The following EVC variants were observed in gnomAD, a reference collection of about 807,000 sequenced individuals.
EVC encodes the protein EvC ciliary complex subunit 1.
A neutral mutation model predicts 118.9 loss-of-function variants in EVC; 116 were observed. That is an observed-to-expected ratio of 0.98 (90% CI 0.84 to 1.14). EVC has a LOEUF of 1.14. Ranked by LOEUF, EVC falls within the 50% of genes most tolerant of loss-of-function variation. The pLI is 0.00. For missense variants in EVC, 1,401 were observed against 1,246.4 expected, an observed-to-expected ratio of 1.12 and a Z score of -1.87; for synonymous variants, 619 against 534.7, an observed-to-expected ratio of 1.16 and a Z score of -2.18.
intron 11 of EVC, among the ~76,000 whole-genome samples, chr4:5,779,109 A>G (rs978839532): frequency 1.3e-5 from 2 of 151,924 alleles, no homozygotes; most frequent in Non-Finnish European, 2.9e-5. Flanking sequence ...TCCTTTCCCC[A>G]TTGCTTGTTT....
the EVC span, among the ~76,000 whole-genome samples, chr4:5,822,673 G>A: frequency 1.3e-5 from 2 of 152,172 alleles, no homozygotes; most frequent in African/African-American, 4.8e-5. Flanking sequence ...GCTGAAAGGT[G>A]GGAAGGATAG....
chr4:5,727,621 G>A (rs1204874920), intron 2 of EVC, among the ~76,000 whole-genome samples: 1 of 151,430 alleles, frequency 6.6e-6, no homozygotes, highest in African/African-American at 2.4e-5. Flanking sequence ...CATTGCTTTT[G>A]GTGTTTTAGA....
chr4:5,828,026 A>G, the EVC span: 1 of 985,132 alleles, frequency 1.0e-6, no homozygotes, highest in Non-Finnish European at 1.2e-6. Flanking sequence ...GAAAGGGCGG[A>G]TCTGAAGGAA....
At chr4:5,757,065 G>A (rs894588728) in intron 11 of EVC, among the ~76,000 whole-genome samples, 7 of 152,200 alleles carry the variant, frequency 4.6e-5, no homozygotes, top group Middle Eastern at 3.2e-3. Context: ...GTGACCACAG[G>A]AGCATCACTT....
Position 5,805,891 on chromosome 4 carries a change from C to CTTTTTT in EVC, c.2561+1063_2561+1068dup, listed in dbSNP as rs4045512. On this transcript the variant is annotated intron_variant, in intron 17 of 20. Transcript: ENST00000264956. ...CTTGAATTCAGAGGCAGTTTCTTTT[C>CTTTTTT]TTTTTTTTTTTTTTTTTTGAAGGAG... 4.5e-4 allele frequency among the ~76,000 whole-genome samples: 56 copies of CTTTTTT among 123,938 alleles called. 1 individual carries two copies. The highest frequency in any genetic ancestry group is 7.1e-4 in the East Asian group (3 of 4,232). The allele number at this position is 123,938 out of a possible 152,430, so 81.3% of individuals were successfully genotyped here. A position where few individuals can be genotyped will look rare whatever the true frequency, so the allele number is the denominator to read the frequency against.
chr4:5,805,992 T>C (rs542318545), intron 17 of EVC, among the ~76,000 whole-genome samples: 1 of 146,526 alleles, frequency 6.8e-6, no homozygotes, highest in Non-Finnish European at 1.5e-5. Flanking sequence ...ATCACCCAAA[T>C]AGTGTACGTT....
At chr4:5,786,050 T>G (rs570212376) in intron 12 of EVC, among the ~76,000 whole-genome samples, 1 of 152,174 alleles carries the variant, frequency 6.6e-6, no homozygotes, top group Admixed American at 6.5e-5. Context: ...AAGATATGGG[T>G]TTGAGCCAGA....
intron 2 of EVC, among the ~76,000 whole-genome samples, chr4:5,725,836 T>G (rs567198315): frequency 2.0e-5 from 3 of 152,356 alleles, no homozygotes; most frequent in Non-Finnish European, 4.4e-5. Flanking sequence ...TCTAGGGTTT[T>G]TATAGTTTTG....
rs370495197 is a variant in EVC, at chr4:5,746,391, G to A, written c.939+1050G>A. Among the ~76,000 whole-genome samples the A allele has an allele frequency of 6.6e-6, 1 of 152,212 alleles. No individual in the cohort carries two copies. Among genetic ancestry groups the A allele is most frequent in the African/African-American group, 2.4e-5 (1 of 41,448 alleles). On this transcript the variant is annotated intron_variant, in intron 7 of 20. Transcript: ENST00000264956. This position sits in a 1 kb window ranked among gnomAD's most constrained non-coding sequence, Gnocchi z 5.8. ...GTGGTGGTCTACCATGGGGCGGCAGGTGGGGAGGAGGAGGGGGTCCAGGGT... is the reference window on the plus strand; with the variant it reads ...GTGGTGGTCTACCATGGGGCGGCAGATGGGGAGGAGGAGGGGGTCCAGGGT...
intron 2 of EVC, among the ~76,000 whole-genome samples, chr4:5,725,442 T>C (rs1218898150): frequency 6.6e-6 from 1 of 152,240 alleles, no homozygotes; most frequent in East Asian, 1.9e-4. Context: ...GGTATCTCAT[T>C]GTGGTTTTGA....
chr4:5,828,526 G>A, the EVC span: 2 of 1,614,188 alleles, frequency 1.2e-6, no homozygotes, highest in Non-Finnish European at 1.7e-6. Flanking sequence ...CAGGTGCTCC[G>A]GGAACGCCTT....
Position 5,765,971 on chromosome 4 carries a change from G to A in EVC, c.1563+9609G>A, listed in dbSNP as rs529931880. Among the ~76,000 whole-genome samples the A allele has an allele frequency of 3.2e-3, 414 of 130,608 alleles. 10 individuals carry two copies. The highest frequency in any genetic ancestry group is 5.4e-3 in the Non-Finnish European group (325 of 60,490). 85.7% of individuals were successfully genotyped at this position (130,608 alleles called of 152,430 possible). ...ATGATGTTAGCTGGTTATTTTGCTC[G>A]TTAGTTGATGCAGTTTATTCCTAGT... On this transcript the variant is annotated intron_variant, in intron 11 of 20. Coordinates refer to ENST00000264956, the MANE Select transcript of EVC (RefSeq NM_153717.3).
chr4:5,792,402 G>T (rs1263756050), intron 12 of EVC, among the ~76,000 whole-genome samples: 2 of 152,174 alleles, frequency 1.3e-5, no homozygotes, highest in African/African-American at 2.4e-5. Flanking sequence ...TTTTTTTAGG[G>T]ATAAAGAGAG....
At chr4:5,785,468 A>C (rs1736276164) in intron 12 of EVC, among the ~76,000 whole-genome samples, 2 of 152,228 alleles carry the variant, frequency 1.3e-5, no homozygotes, top group Admixed American at 1.3e-4. Flanking sequence ...CCTTGGGGCA[A>C]TAGAAAGTAC....
chr4:5,769,419 C>G (rs775586113), intron 11 of EVC, among the ~76,000 whole-genome samples: 1 of 152,170 alleles, frequency 6.6e-6, no homozygotes, highest in Non-Finnish European at 1.5e-5. Flanking sequence ...CACAGCTAAA[C>G]CATATCATAA....
Position 5,811,843 on chromosome 4 carries a change from C to T in EVC, c.*806C>T, listed in dbSNP as rs71599832. 6.6e-6 allele frequency: 1 copy of T among 152,072 alleles called. No homozygotes were observed. The allele number at this position is 152,072 out of a possible 1,614,324, so 9.4% of individuals were successfully genotyped here. A position where few individuals can be genotyped will look rare whatever the true frequency, so the allele number is the denominator to read the frequency against. ...GAGGCCTTTCCCACCGGTAGAGAAA[C>T]TTCCAGACCAGCCCCTCACACCACA... On this transcript the variant is annotated 3_prime_UTR_variant, in exon 21 of 21. Transcript: ENST00000264956.
chr4:5,770,259 G>A (rs1733738509), intron 11 of EVC, among the ~76,000 whole-genome samples: 2 of 152,132 alleles, frequency 1.3e-5, no homozygotes, highest in Admixed American at 6.5e-5. Context: ...CCCCACAGCT[G>A]CCCTGAGCCT....
the EVC span, among the ~76,000 whole-genome samples, chr4:5,822,421 A>T: frequency 1.3e-5 from 2 of 149,378 alleles, no homozygotes; most frequent in African/African-American, 4.9e-5. Context: ...ATGCATGTGC[A>T]TATGTGTGTG....
At chr4:5,752,214 C>T (rs966353698) in intron 8 of EVC, among the ~76,000 whole-genome samples, 1 of 152,132 alleles carries the variant, frequency 6.6e-6, no homozygotes, top group African/African-American at 2.4e-5. Flanking sequence ...TACTCTCATT[C>T]CACAAGCAGC....
Sources: gnomAD v4.1 joint callset for allele counts (sites outside exome capture counted in the v4.1 genomes callset) on GRCh38, gnomAD v4.1.1 for gene constraint, Gnocchi (gnomAD v3.1) non-coding constraint, MANE v1.5 for transcripts, NCBI Gene and HGNC (gene_info 2026-07-23, HGNC 2026-07-21) for gene names.